The following LRRC36 variants were observed in gnomAD, a reference collection of about 807,000 sequenced individuals.
LRRC36 encodes leucine rich repeat containing 36.
A neutral mutation model predicts 81.1 loss-of-function variants in LRRC36; 62 were observed. The ratio of observed to expected loss-of-function variants is 0.76; its 90% confidence interval spans 0.62 to 0.94. The LOEUF is 0.94. Ranked by LOEUF, LRRC36 falls within the 40% of genes least tolerant of loss-of-function variation. LRRC36 has a pLI of 0.00. For synonymous variants in LRRC36, 334 were observed against 348.6 expected, an observed-to-expected ratio of 0.96 and a Z score of 0.47; for missense variants, 761 against 881.7, an observed-to-expected ratio of 0.86 and a Z score of 1.73.
At chr16:67,340,484 G>A (rs1002940895) in intron 1 of LRRC36, among the ~76,000 whole-genome samples, 10 of 151,760 alleles carry the variant, frequency 6.6e-5, no homozygotes, top group African/African-American at 2.4e-4. Context: ...GCAAAACCCC[G>A]TTTCTACCTA....
At chr16:67,350,344 G>A (rs542876348) in intron 5 of LRRC36, 54 bp downstream of exon 5, 51 of 1,386,258 alleles carry the variant, frequency 3.7e-5, no homozygotes, top group Middle Eastern at 1.8e-4. Context: ...TATCTCAGCT[G>A]CCATAGCCAA....
intron 1 of LRRC36, among the ~76,000 whole-genome samples, chr16:67,332,368 A>G (rs1324302841): frequency 6.6e-6 from 1 of 152,092 alleles, no homozygotes; most frequent in South Asian, 2.1e-4. Context: ...CCTGGCTAAC[A>G]TGATGAAACC....
At chr16:67,359,448 G>A (rs2039049097) in intron 5 of LRRC36, among the ~76,000 whole-genome samples, 1 of 152,126 alleles carries the variant, frequency 6.6e-6, no homozygotes, top group Admixed American at 6.5e-5. Context: ...GAGACAGAAA[G>A]TATATTGTTG....
At chr16:67,353,780 AAG>A (rs2038768125) in intron 5 of LRRC36, among the ~76,000 whole-genome samples, 2 of 152,186 alleles carry the variant, frequency 1.3e-5, no homozygotes, top group African/African-American at 4.8e-5. Flanking sequence ...CTGATACCCA[AAG>A]AGGGGAAATA....
At chr16:67,355,391 T>G (rs1463570390) in intron 5 of LRRC36, among the ~76,000 whole-genome samples, 1 of 122,990 alleles carries the variant, frequency 8.1e-6, no homozygotes, top group Non-Finnish European at 1.6e-5. Context: ...TTTTTTTTTT[T>G]TGAGACGGAG....
chr16:67,361,014 G>C (rs1307074796), intron 5 of LRRC36, among the ~76,000 whole-genome samples: 1 of 152,106 alleles, frequency 6.6e-6, no homozygotes, highest in East Asian at 1.9e-4. Flanking sequence ...AAAAACGTTT[G>C]TACAAATATG....
chr16:67,370,675 A>G (rs2039595611), intron 8 of LRRC36, among the ~76,000 whole-genome samples: 1 of 151,604 alleles, frequency 6.6e-6, no homozygotes, highest in Non-Finnish European at 1.5e-5. Flanking sequence ...GGCACCACTA[A>G]GGGCGCAGTT....
In LRRC36 at chr16:67,371,042, G is replaced by A; in HGVS notation, c.1294G>A (p.Gly432Ser). Residue 432 changes from glycine to serine, a missense_variant, in exon 9 of 14, where the codon GGT (glycine) becomes AGT (serine). Physicochemically the swap from Gly to Ser is moderately conservative, Grantham distance 56 (BLOSUM62 0). Around this residue, in one of 3 missense-constraint regions of LRRC36, gnomAD observed 359 missense variants for 388.4 expected, o/e 0.92. Transcript: ENST00000329956. ...TSLDDLTPAH[G>S]SVPNNAVLGN... ...CCTGGATGATTTAACACCAGCACAT[G>A]GTTCTGTCCCAAACAACGCTGTCCT... 1 of 1,614,100 alleles carries A rather than the reference G, an allele frequency of 6.2e-7. No homozygotes were observed. The highest frequency in any genetic ancestry group is 8.5e-7 in the Non-Finnish European group (1 of 1,179,998).
chr16:67,359,060 T>C (rs2039033959), intron 5 of LRRC36, among the ~76,000 whole-genome samples: 1 of 152,252 alleles, frequency 6.6e-6, no homozygotes, highest in African/African-American at 2.4e-5. Context: ...GGAGTCCTTA[T>C]GCATCGCTGG....
chr16:67,358,686 C>T (rs1055953499), intron 5 of LRRC36, among the ~76,000 whole-genome samples: 4 of 151,748 alleles, frequency 2.6e-5, no homozygotes, highest in African/African-American at 9.7e-5. Flanking sequence ...AACTCAATAA[C>T]AAAAAGACAA....
intron 7 of LRRC36, among the ~76,000 whole-genome samples, chr16:67,366,594 A>G (rs2039401385): frequency 6.6e-6 from 1 of 152,074 alleles, no homozygotes. Flanking sequence ...TACTAAAAAT[A>G]CAAAAGCTAG....
chr16:67,375,095 C>T, intron 9 of LRRC36, 152 bp from the exon 10 acceptor site: 1 of 786,502 alleles, frequency 1.3e-6, no homozygotes, highest in Non-Finnish European at 2.0e-6. Flanking sequence ...CCACTGCACT[C>T]CAGCCTGGGT....
intron 5 of LRRC36, among the ~76,000 whole-genome samples, chr16:67,352,997 T>A (rs2038728249): frequency 6.6e-6 from 1 of 152,154 alleles, no homozygotes; most frequent in Non-Finnish European, 1.5e-5. Context: ...TGTTTATTTA[T>A]TTATATTTAT....
chr16:67,366,351 A>G (rs1567492046), intron 7 of LRRC36, among the ~76,000 whole-genome samples: 1 of 152,124 alleles, frequency 6.6e-6, no homozygotes, highest in Non-Finnish European at 1.5e-5. Context: ...ACAGTGGCTC[A>G]TGCCTGTAAT....
intron 9 of LRRC36, 94 bp from the exon 10 acceptor site, chr16:67,375,153 C>G: frequency 7.4e-7 from 1 of 1,353,430 alleles, no homozygotes; most frequent in Non-Finnish European, 1.0e-6. Flanking sequence ...AAAAAAAAGT[C>G]TCAATGTCTA....
intron 13 of LRRC36, among the ~76,000 whole-genome samples, chr16:67,383,968 C>G (rs1245139830): frequency 6.6e-6 from 1 of 152,166 alleles, no homozygotes; most frequent in Non-Finnish European, 1.5e-5. Flanking sequence ...GTTCTCATTC[C>G]TTTTTCTAGC....
chr16:67,358,805 A>T (rs2039021207), intron 5 of LRRC36, among the ~76,000 whole-genome samples: 1 of 152,174 alleles, frequency 6.6e-6, no homozygotes, highest in African/African-American at 2.4e-5. Context: ...ATCACTATTC[A>T]TCTGGGAAAT....
chr16:67,359,909 G>A (rs1395511785), intron 5 of LRRC36, among the ~76,000 whole-genome samples: 1 of 152,136 alleles, frequency 6.6e-6, no homozygotes, highest in Non-Finnish European at 1.5e-5. Context: ...GATCATTTGA[G>A]GTCAGGAGTT....
chr16:67,330,115 C>T (rs1000471328), intron 1 of LRRC36, among the ~76,000 whole-genome samples: 2 of 151,976 alleles, frequency 1.3e-5, no homozygotes, highest in Admixed American at 6.6e-5. Context: ...TAAACATTTT[C>T]CCGTGTTCCC....
Sources: allele counts gnomAD v4.1 joint callset (sites outside exome capture counted in the v4.1 genomes callset), GRCh38; gene constraint gnomAD v4.1.1; regional missense constraint gnomAD v4.1.1; transcripts MANE v1.5; gene names NCBI Gene and HGNC (gene_info 2026-07-23, HGNC 2026-07-21).